Variants in NLGN1 observed in about 807,000 individuals in gnomAD.
The protein encoded by NLGN1 is neuroligin 1, also known as neuroligin-1.
A neutral mutation model predicts 65.5 loss-of-function variants in NLGN1; 12 were observed. The observed-to-expected ratio is 0.18, with a 90% confidence interval of 0.12 to 0.30. The LOEUF (loss-of-function observed/expected upper bound fraction) is 0.30. NLGN1 is among the 10% of genes least tolerant of loss of function. The pLI is 1.00. For synonymous variants in NLGN1, 350 were observed against 359.5 expected, an observed-to-expected ratio of 0.97 and a Z score of 0.30; for missense variants, 750 against 1,007.1, an observed-to-expected ratio of 0.74 and a Z score of 3.46.
intron 2 of NLGN1, among the ~76,000 whole-genome samples, chr3:173,558,556 A>G (rs2149287346): frequency 6.6e-6 from 1 of 152,248 alleles, no homozygotes; most frequent in South Asian, 2.1e-4. Context: ...CCCGTCTTCA[A>G]GTTTACTCAT....
chr3:173,902,071 T>A (rs1401787695), intron 4 of NLGN1, among the ~76,000 whole-genome samples: 2 of 152,128 alleles, frequency 1.3e-5, no homozygotes, highest in African/African-American at 2.4e-5. Context: ...CTTGACGGAA[T>A]GTTATTTGAT....
intron 3 of NLGN1, 62 bp downstream of exon 3, chr3:173,605,655 T>G: frequency 1.3e-6 from 1 of 768,596 alleles, no homozygotes; most frequent in Non-Finnish European, 1.9e-6. Flanking sequence ...AACAAGATAC[T>G]CTCCCTAAGG....
intron 3 of NLGN1, among the ~76,000 whole-genome samples, chr3:173,747,782 C>CTTTCTT (rs1219246311): frequency 3.0e-4 from 20 of 67,216 alleles, no homozygotes; most frequent in African/African-American, 1.4e-3. Context: ...ACAAAATTTT[C>CTTTCTT]TTTCTTCTTC....
intron 3 of NLGN1, among the ~76,000 whole-genome samples, chr3:173,701,041 C>T (rs1247598738): frequency 1.3e-5 from 2 of 152,036 alleles, no homozygotes; most frequent in African/African-American, 2.4e-5. Flanking sequence ...AGGAGAATGG[C>T]GTGAACCCAG....
chr3:173,873,568 A>C (rs1731578544), intron 4 of NLGN1, among the ~76,000 whole-genome samples: 1 of 152,218 alleles, frequency 6.6e-6, no homozygotes. Context: ...GAAATTATTT[A>C]AAAATTTTAT....
rs545842085 is a variant in NLGN1, at chr3:173,672,695, C to G, written c.493+67604C>G. On this transcript the variant is annotated intron_variant, in intron 3 of 6. Coordinates refer to ENST00000457714, the Ensembl canonical transcript of NLGN1. ...CTCCTGACCATGTAAGACGCTTCTT[C>G]ATTGTTTCAACTTAGGTTACCTCAT... Among the ~76,000 whole-genome samples the G allele has an allele frequency of 3.3e-5, 5 of 152,308 alleles. No homozygotes were observed. The East Asian group carries it at 9.6e-4, about 29-fold the overall frequency.
intron 4 of NLGN1, among the ~76,000 whole-genome samples, chr3:174,202,135 G>A (rs549362532): frequency 2.6e-5 from 4 of 151,618 alleles, no homozygotes; most frequent in South Asian, 2.1e-4. Context: ...ATCCCTCTCC[G>A]TTGAAATGTG....
chr3:173,556,451 T>C (rs1283525581), intron 2 of NLGN1, among the ~76,000 whole-genome samples: 1 of 152,202 alleles, frequency 6.6e-6, no homozygotes, highest in Non-Finnish European at 1.5e-5. Flanking sequence ...AATTTCCTTC[T>C]TCTTTTTCTA....
At chr3:173,757,769 C>T (rs1777360659) in intron 3 of NLGN1, among the ~76,000 whole-genome samples, 1 of 151,962 alleles carries the variant, frequency 6.6e-6, no homozygotes, top group Middle Eastern at 3.2e-3. Flanking sequence ...TTTAGGTGTG[C>T]AAATGGCCAA....
chr3:174,012,329 G>A lies in NLGN1; in HGVS notation c.646+204497G>A, dbSNP rs147114352. 8.9e-3 allele frequency among the ~76,000 whole-genome samples: 1,358 copies of A among 152,178 alleles called. 12 individuals carry two copies. The highest frequency in any genetic ancestry group is 0.015 in the Non-Finnish European group (1,031 of 68,000). On this transcript the variant is annotated intron_variant, in intron 4 of 6. Transcript: ENST00000457714. Reference sequence around the variant, plus strand: ...CCCTACTCCATTCTTGAAGAGATCCGTTTCTCTAATTCATATTTTCTGTCC... The same window carrying A: ...CCCTACTCCATTCTTGAAGAGATCCATTTCTCTAATTCATATTTTCTGTCC...
intron 4 of NLGN1, among the ~76,000 whole-genome samples, chr3:174,017,527 C>T (rs1409703045): frequency 6.6e-6 from 1 of 152,072 alleles, no homozygotes; most frequent in Non-Finnish European, 1.5e-5. Context: ...GGGGAACCTG[C>T]CCCCGATAAT....
chr3:174,242,522 C>G (rs1374098316), intron 4 of NLGN1, among the ~76,000 whole-genome samples: 2 of 152,112 alleles, frequency 1.3e-5, no homozygotes, highest in Non-Finnish European at 2.9e-5. Context: ...CCTGTCAAAT[C>G]AGTGGCAGCA....
intron 2 of NLGN1, among the ~76,000 whole-genome samples, chr3:173,456,850 T>G (rs1722590436): frequency 6.6e-6 from 1 of 152,098 alleles, no homozygotes; most frequent in Admixed American, 6.6e-5. Context: ...TCCTTCAGTC[T>G]CCATAATCTT....
chr3:174,033,532 T>C (rs1560887495), intron 4 of NLGN1, among the ~76,000 whole-genome samples: 1 of 152,132 alleles, frequency 6.6e-6, no homozygotes, highest in Admixed American at 6.6e-5. Flanking sequence ...AAAATAACTG[T>C]GATTCATGTG....
intron 4 of NLGN1, among the ~76,000 whole-genome samples, chr3:174,272,670 G>C (rs968372506): frequency 1.0e-5 from 1 of 100,498 alleles, no homozygotes; most frequent in Non-Finnish European, 2.5e-5. Context: ...TGGATGGATA[G>C]ATAGATAGAT....
chr3:174,019,373 C>T (rs1293533560), intron 4 of NLGN1, among the ~76,000 whole-genome samples: 1 of 152,088 alleles, frequency 6.6e-6, no homozygotes, highest in Non-Finnish European at 1.5e-5. Flanking sequence ...GAGACTTGAC[C>T]TGGCTCACTC....
intron 4 of NLGN1, among the ~76,000 whole-genome samples, chr3:173,957,686 A>G (rs1466854257): frequency 3.9e-5 from 6 of 152,222 alleles, no homozygotes; most frequent in Non-Finnish European, 5.9e-5. Flanking sequence ...GAAGGAATAC[A>G]CCTTACTAAT....
At chr3:174,032,522 T>C (rs1037408309) in intron 4 of NLGN1, among the ~76,000 whole-genome samples, 3 of 152,166 alleles carry the variant, frequency 2.0e-5, no homozygotes, top group Admixed American at 1.3e-4. Context: ...AAATGCAGTA[T>C]CTCAGGAATG....
intron 4 of NLGN1, among the ~76,000 whole-genome samples, chr3:174,262,490 T>C (rs867386795): frequency 0.012 from 1,458 of 124,904 alleles, 12 homozygotes; most frequent in African/African-American, 0.029. Context: ...TTTGTAGTAT[T>C]CTCTGATGGT....
Sources: allele counts gnomAD v4.1 joint callset (sites outside exome capture counted in the v4.1 genomes callset), GRCh38; gene constraint gnomAD v4.1.1; transcripts MANE v1.5; gene names NCBI Gene and HGNC (gene_info 2026-07-23, HGNC 2026-07-21).